Variants in NTNG1 observed in about 807,000 individuals in gnomAD.
The protein encoded by NTNG1 is netrin-G1.
A neutral mutation model predicts 54.0 loss-of-function variants in NTNG1; 16 were observed. The observed-to-expected ratio is 0.30, with a 90% CI of 0.20 to 0.45. NTNG1 has a LOEUF of 0.45. NTNG1 is among the 20% of genes least tolerant of loss of function. NTNG1 has a pLI of 1.00. For synonymous variants in NTNG1, 255 were observed against 263.1 expected, an observed-to-expected ratio of 0.97 and a Z score of 0.30; for missense variants, 530 against 678.7, an observed-to-expected ratio of 0.78 and a Z score of 2.43.
rs116447767 is a variant in NTNG1, at chr1:107,401,097, A to G, written c.1060+5771A>G. Among the ~76,000 whole-genome samples, 540 of 152,264 alleles carry G rather than the reference A, an allele frequency of 3.5e-3. 5 individuals are homozygous for G. The highest frequency in any genetic ancestry group is 0.012 in the African/African-American group (499 of 41,554). On this transcript the variant is annotated intron_variant, in intron 4 of 7. Coordinates refer to ENST00000370068, the MANE Select transcript of NTNG1 (RefSeq NM_001113226.3). ...ACCAGCTCCAACACAAGAGCCTTCA[A>G]TCTCCTACAGGAGAGACCATCTGAG...
intron 7 of NTNG1, among the ~76,000 whole-genome samples, chr1:107,470,304 A>C (rs537608372): frequency 1.4e-4 from 22 of 152,356 alleles, no homozygotes; most frequent in Admixed American, 1.1e-3. Flanking sequence ...TCTAAAAAAA[A>C]CCCAGCAATT....
intron 2 of NTNG1, among the ~76,000 whole-genome samples, chr1:107,245,183 T>C (rs1167867054): frequency 6.6e-6 from 1 of 152,174 alleles, no homozygotes; most frequent in Admixed American, 6.5e-5. Context: ...AATAAACACT[T>C]CATACACTAT....
intron 2 of NTNG1, among the ~76,000 whole-genome samples, chr1:107,203,450 T>A (rs1658916898): frequency 6.6e-6 from 1 of 151,856 alleles, no homozygotes; most frequent in South Asian, 2.1e-4. Flanking sequence ...AATGAAAATT[T>A]ATTGCCAATT....
intron 2 of NTNG1, among the ~76,000 whole-genome samples, chr1:107,152,003 T>TATATATACACACACATAC (rs1654603340): frequency 6.7e-6 from 1 of 149,344 alleles, no homozygotes; most frequent in Non-Finnish European, 1.5e-5. Flanking sequence ...CACACACATA[T>TATATATACACACACATAC]ATATATACAC....
chr1:107,177,028 T>G (rs1656696433), intron 2 of NTNG1, among the ~76,000 whole-genome samples: 1 of 152,172 alleles, frequency 6.6e-6, no homozygotes, highest in Non-Finnish European at 1.5e-5. Flanking sequence ...TTGCCCCAGT[T>G]GAGAACCACT....
At position 107,188,167 on chromosome 1, in the gene NTNG1, C is replaced by T. The variant is rs117168265; in HGVS notation, c.246+39328C>T. Among the ~76,000 whole-genome samples the T allele has an allele frequency of 4.9e-4, 75 of 151,956 alleles. No individual in the cohort carries two copies. In the East Asian group the frequency reaches 0.011, roughly 23 times the overall value. ...GATTTTTTTTTTAAATCAACAGTTC[C>T]GTAGTCCTGATTGATGTGAAGCGAC... is the stretch of plus-strand genomic sequence containing the variant. On this transcript the variant is annotated intron_variant, in intron 2 of 7. Coordinates refer to ENST00000370068, the MANE Select transcript of NTNG1 (RefSeq NM_001113226.3).
At chr1:107,327,020 TG>T (rs1421461417) in intron 3 of NTNG1, among the ~76,000 whole-genome samples, 1 of 152,160 alleles carries the variant, frequency 6.6e-6, no homozygotes, top group Non-Finnish European at 1.5e-5. Context: ...TGCATTTCAG[TG>T]GTTCTGAGGA....
At chr1:107,321,129 T>A (rs1301033281) in intron 2 of NTNG1, among the ~76,000 whole-genome samples, 1 of 152,098 alleles carries the variant, frequency 6.6e-6, no homozygotes, top group African/African-American at 2.4e-5. Flanking sequence ...ATTGGCTTTA[T>A]TTTCTCCATA....
At chr1:107,293,774 A>G (rs1031971842) in intron 2 of NTNG1, among the ~76,000 whole-genome samples, 4 of 152,190 alleles carry the variant, frequency 2.6e-5, no homozygotes, top group Admixed American at 2.0e-4. Flanking sequence ...AAAATTAACT[A>G]TTTTTTAATG....
At chr1:107,376,699 T>C (rs1004508280) in intron 3 of NTNG1, among the ~76,000 whole-genome samples, 1 of 152,172 alleles carries the variant, frequency 6.6e-6, no homozygotes, top group African/African-American at 2.4e-5. Context: ...GACTTTTAAT[T>C]TGTATGACAT....
At chr1:107,358,021 C>T (rs1051970816) in intron 3 of NTNG1, among the ~76,000 whole-genome samples, 8 of 152,158 alleles carry the variant, frequency 5.3e-5, no homozygotes, top group Admixed American at 2.0e-4. Flanking sequence ...AATAATAGAT[C>T]ATTCCATTCG....
rs1473799186 is a variant in NTNG1, at chr1:107,202,617, A to T, written c.246+53778A>T. On this transcript the variant is annotated intron_variant, in intron 2 of 7. Coordinates refer to ENST00000370068, the MANE Select transcript of NTNG1 (RefSeq NM_001113226.3). Reference sequence around the variant, plus strand: ...CCTTTCTACTGGATTGAAACTATAAATTTTAGTCCACTGTTTTATTGGTTA... The same window carrying T: ...CCTTTCTACTGGATTGAAACTATAATTTTTAGTCCACTGTTTTATTGGTTA... 2.0e-5 allele frequency among the ~76,000 whole-genome samples: 3 copies of T among 151,790 alleles called. No homozygotes were observed. The South Asian group carries it at 6.2e-4, about 31-fold the overall frequency.
intron 7 of NTNG1, among the ~76,000 whole-genome samples, chr1:107,469,388 C>A (rs1677831677): frequency 6.6e-6 from 1 of 152,160 alleles, no homozygotes; most frequent in Non-Finnish European, 1.5e-5. Flanking sequence ...AAATAATTTT[C>A]CCTTTCAGCT....
At chr1:107,332,711 A>G (rs1668355037) in intron 3 of NTNG1, among the ~76,000 whole-genome samples, 1 of 152,080 alleles carries the variant, frequency 6.6e-6, no homozygotes, top group Non-Finnish European at 1.5e-5. Flanking sequence ...TACAAGAACA[A>G]ATGAATTTTA....
At chr1:107,440,728 T>C (rs547368594) in intron 7 of NTNG1, among the ~76,000 whole-genome samples, 1 of 152,098 alleles carries the variant, frequency 6.6e-6, no homozygotes, top group Non-Finnish European at 1.5e-5. Flanking sequence ...ACAAGACGGA[T>C]TCAAGAAAGT....
chr1:107,426,023 G>T (rs1489531494), intron 5 of NTNG1, among the ~76,000 whole-genome samples: 2 of 151,998 alleles, frequency 1.3e-5, no homozygotes, highest in African/African-American at 2.4e-5. Flanking sequence ...TTTTAATGGG[G>T]TTGTTTGTTT....
rs1671288518 is a variant in NTNG1 at position 107,376,724 on chromosome 1, T to A, written c.888-18430T>A. ...TTGTATGACATGGAAATTTTTAACC[T>A]AATTGCTGACATAGTATCTCGAGTG... On this transcript the variant is annotated intron_variant, in intron 3 of 7. Transcript: ENST00000370068. 3.9e-5 allele frequency among the ~76,000 whole-genome samples: 6 copies of A among 152,322 alleles called. No homozygotes were observed. The South Asian group carries it at 1.2e-3, about 32-fold the overall frequency.
intron 2 of NTNG1, among the ~76,000 whole-genome samples, chr1:107,189,368 T>TAAAAAAA (rs1657721619): frequency 1.9e-5 from 1 of 51,884 alleles, no homozygotes. Context: ...AAAAAAAAAG[T>TAAAAAAA]TTGGGTGAAT....
At chr1:107,408,685 A>G (rs1374161760) in intron 5 of NTNG1, 1 of 152,090 alleles carries the variant, frequency 6.6e-6, no homozygotes, top group East Asian at 1.9e-4. Context: ...ACAACTACTA[A>G]GTAACTGATT....
Sources: gnomAD v4.1 joint callset for allele counts (sites outside exome capture counted in the v4.1 genomes callset) on GRCh38, gnomAD v4.1.1 for gene constraint, MANE v1.5 for transcripts, NCBI Gene and HGNC (gene_info 2026-07-23, HGNC 2026-07-21) for gene names.